The following GRID1 variants were observed in gnomAD, a reference collection of about 807,000 sequenced individuals.
GRID1 encodes the protein glutamate ionotropic receptor delta type subunit 1, also known as glutamate receptor ionotropic, delta-1.
GRID1 carries 28 observed loss-of-function variants against 98.0 expected under a neutral mutation model. The observed-to-expected ratio is 0.29, with a 90% CI of 0.21 to 0.39. GRID1 has a LOEUF of 0.39. Ranked by LOEUF, GRID1 falls within the 10% of genes least tolerant of loss-of-function variation. The pLI is 1.00. For synonymous variants in GRID1, 553 were observed against 538.5 expected (o/e 1.03, Z -0.37); for missense variants, 1,111 against 1,340.5 (o/e 0.83, Z 2.67).
intron 12 of GRID1, among the ~76,000 whole-genome samples, chr10:85,665,754 C>T (rs756991518): frequency 6.6e-6 from 1 of 152,124 alleles, no homozygotes; most frequent in African/African-American, 2.4e-5. Flanking sequence ...GTGATATAAA[C>T]GCCTGCCACC....
intron 4 of GRID1, among the ~76,000 whole-genome samples, chr10:86,069,034 GAGA>G (rs1564665274): frequency 6.6e-6 from 1 of 152,020 alleles, no homozygotes; most frequent in East Asian, 1.9e-4. Context: ...CAATTTCCTG[GAGA>G]AGCTGTGGGA....
At chr10:85,984,321 C>T (rs1468241251) in intron 4 of GRID1, among the ~76,000 whole-genome samples, 2 of 152,200 alleles carry the variant, frequency 1.3e-5, no homozygotes, top group African/African-American at 4.8e-5. Flanking sequence ...AGACTCTCTC[C>T]AGATTAAGCC....
At chr10:85,602,722 G>A (rs781168058) in intron 15 of GRID1, 21 bp from the exon 16 acceptor site, 129 of 1,585,388 alleles carry the variant, frequency 8.1e-5, no homozygotes, top group Non-Finnish European at 1.1e-4. Context: ...GGCATAGGAA[G>A]GTCAGGTGGA....
At chr10:86,177,461 CAGAG>C (rs774895749) in intron 3 of GRID1, among the ~76,000 whole-genome samples, 15 of 151,386 alleles carry the variant, frequency 9.9e-5, no homozygotes, top group African/African-American at 2.4e-4. Flanking sequence ...GCATGCATTA[CAGAG>C]AGAGAGACAG....
At chr10:85,997,804 A>G (rs1411232730) in intron 4 of GRID1, among the ~76,000 whole-genome samples, 1 of 152,240 alleles carries the variant, frequency 6.6e-6, no homozygotes, top group Non-Finnish European at 1.5e-5. Context: ...AAGCAAACCA[A>G]TTACATGTTG....
At chr10:86,128,692 C>T (rs1844790940) in intron 4 of GRID1, among the ~76,000 whole-genome samples, 1 of 152,206 alleles carries the variant, frequency 6.6e-6, no homozygotes, top group Admixed American at 6.5e-5. Flanking sequence ...AGCCCAATCC[C>T]TGATGTCAAG....
intron 8 of GRID1, among the ~76,000 whole-genome samples, chr10:85,845,778 G>A (rs766408842): frequency 6.6e-6 from 1 of 151,986 alleles, no homozygotes; most frequent in Non-Finnish European, 1.5e-5. Context: ...AACTTTCCTT[G>A]TAAAACCCAA....
Position 86,227,351 on chromosome 10 carries a change from G to A in GRID1, c.236-20703C>T, listed in dbSNP as rs150725450. ...AGGCAGGGGTGGTGGAGAGCTCATA[G>A]TACTCCCTAAGAACTTGCTCATAGT... On this transcript the variant is annotated intron_variant, in intron 2 of 15. Coordinates refer to ENST00000327946, the MANE Select transcript of GRID1 (RefSeq NM_017551.3). Among the ~76,000 whole-genome samples the A allele has an allele frequency of 7.6e-4, 115 of 152,272 alleles. 2 individuals are homozygous for A. The East Asian group carries it at 0.019, about 25-fold the overall frequency.
intron 12 of GRID1, among the ~76,000 whole-genome samples, chr10:85,679,541 C>G (rs564578459): frequency 6.6e-6 from 1 of 152,262 alleles, no homozygotes; most frequent in Non-Finnish European, 1.5e-5. Flanking sequence ...TTGACACTTG[C>G]AGGACAGATA....
At chr10:86,127,053 G>A (rs1370134787) in intron 4 of GRID1, among the ~76,000 whole-genome samples, 2 of 152,236 alleles carry the variant, frequency 1.3e-5, no homozygotes, top group African/African-American at 4.8e-5. Flanking sequence ...AGTTCATGTG[G>A]TAGCCTGGAT....
chr10:85,840,727 T>C (rs1842953735), intron 8 of GRID1, among the ~76,000 whole-genome samples: 1 of 152,050 alleles, frequency 6.6e-6, no homozygotes, highest in African/African-American at 2.4e-5. Flanking sequence ...AAGAACATAC[T>C]CCCATTCACA....
At chr10:86,181,033 C>T (rs1229942566) in intron 3 of GRID1, among the ~76,000 whole-genome samples, 2 of 152,144 alleles carry the variant, frequency 1.3e-5, no homozygotes, top group African/African-American at 2.4e-5. Flanking sequence ...GAACCTCCCC[C>T]GAACACACAG....
At chr10:85,873,222 G>A (rs1014083680) in intron 5 of GRID1, among the ~76,000 whole-genome samples, 3 of 152,166 alleles carry the variant, frequency 2.0e-5, no homozygotes, top group Middle Eastern at 3.2e-3. Flanking sequence ...CCCCGACCTC[G>A]GGACCTTCTT....
intron 8 of GRID1, among the ~76,000 whole-genome samples, chr10:85,761,139 C>T (rs1421466878): frequency 6.6e-6 from 1 of 152,174 alleles, no homozygotes. Context: ...AAGAAGGAAG[C>T]ACTTGCCATG....
chr10:85,794,455 T>C (rs535174908), intron 8 of GRID1, among the ~76,000 whole-genome samples: 2 of 152,354 alleles, frequency 1.3e-5, no homozygotes, highest in East Asian at 3.9e-4. Context: ...TTTCTAATCA[T>C]GCTCTTGAAT....
intron 4 of GRID1, among the ~76,000 whole-genome samples, chr10:86,018,440 C>T (rs1458472415): frequency 6.6e-6 from 1 of 152,214 alleles, no homozygotes; most frequent in Admixed American, 6.5e-5. Context: ...CAGACGGCAG[C>T]CCATGCCAAA....
At chr10:85,875,622 A>C (rs1378380029) in intron 5 of GRID1, among the ~76,000 whole-genome samples, 1 of 152,026 alleles carries the variant, frequency 6.6e-6, no homozygotes, top group Non-Finnish European at 1.5e-5. Context: ...TACCCTTGGC[A>C]GTTATGTTTT....
At chr10:86,259,186 C>T (rs55633217) in intron 2 of GRID1, among the ~76,000 whole-genome samples, 2,676 of 152,334 alleles carry the variant, frequency 0.018, 36 homozygotes, top group Non-Finnish European at 0.031. Context: ...AAGCTGTTTC[C>T]TTTGACGACC....
intron 4 of GRID1, among the ~76,000 whole-genome samples, chr10:85,937,868 C>T (rs747904131): frequency 3.9e-5 from 6 of 152,156 alleles, no homozygotes; most frequent in East Asian, 1.9e-4. Flanking sequence ...CCAACACTGC[C>T]GAGGTTGAGA....
Sources: gnomAD v4.1 joint callset for allele counts (sites outside exome capture counted in the v4.1 genomes callset) on GRCh38, gnomAD v4.1.1 for gene constraint, MANE v1.5 for transcripts, NCBI Gene and HGNC (gene_info 2026-07-23, HGNC 2026-07-21) for gene names.